The following BNC2 variants were observed in gnomAD, a reference collection of about 807,000 sequenced individuals.
The protein encoded by BNC2 is basonuclin zinc finger protein 2.
A neutral mutation model predicts 76.3 loss-of-function variants in BNC2; 20 were observed. That is an observed-to-expected ratio of 0.26 (90% CI 0.18 to 0.38). BNC2 has a LOEUF of 0.38. Ranked by LOEUF, BNC2 falls within the 10% of genes least tolerant of loss-of-function variation. BNC2 has a pLI of 1.00. For missense variants in BNC2, 1,382 were observed against 1,399.8 expected, an observed-to-expected ratio of 0.99 and a Z score of 0.20; for synonymous variants, 582 against 514.8, an observed-to-expected ratio of 1.13 and a Z score of -1.77.
At chr9:16,821,835 T>A (rs1387962357) in intron 1 of BNC2, among the ~76,000 whole-genome samples, 1 of 151,982 alleles carries the variant, frequency 6.6e-6, no homozygotes, top group African/African-American at 2.4e-5. Context: ...GGGTAATGCC[T>A]GTAATCCCAG....
intron 5 of BNC2, among the ~76,000 whole-genome samples, chr9:16,452,781 T>G (rs1473349339): frequency 6.6e-6 from 1 of 150,790 alleles, no homozygotes; most frequent in Non-Finnish European, 1.5e-5. Context: ...AAATAACTTT[T>G]TACATTGATT....
At chr9:16,570,184 A>C (rs974420606) in intron 4 of BNC2, among the ~76,000 whole-genome samples, 2 of 152,232 alleles carry the variant, frequency 1.3e-5, no homozygotes, top group African/African-American at 4.8e-5. Context: ...TTGATAAAAT[A>C]TATGCTTTAA....
Position 16,447,497 on chromosome 9 carries a change from T to C in BNC2, c.670-9973A>G, listed in dbSNP as rs970994792. The stretch of plus-strand genomic sequence containing the variant: ...CCAACTTGTGTAACCAACGTATTTT[T>C]AGAATATGTGTATTTATGACTGAAA... On this transcript the variant is annotated intron_variant, in intron 5 of 6. Transcript: ENST00000380672. 5.3e-5 allele frequency among the ~76,000 whole-genome samples: 8 copies of C among 152,156 alleles called. No homozygotes were observed. In the South Asian group the frequency reaches 1.4e-3, roughly 28 times the overall value.
intron 1 of BNC2, 42 bp from the exon 2 acceptor site, chr9:16,738,527 G>A (rs1587367243): frequency 6.2e-7 from 1 of 1,605,484 alleles, no homozygotes; most frequent in East Asian, 2.2e-5. Flanking sequence ...TGCCCAGACA[G>A]TATTACTTAA....
At chr9:16,844,775 A>G (rs1818926918) in intron 1 of BNC2, among the ~76,000 whole-genome samples, 1 of 152,122 alleles carries the variant, frequency 6.6e-6, no homozygotes, top group South Asian at 2.1e-4. Context: ...GATTACAGGC[A>G]TGCGCCACCG....
chr9:16,627,155 G>C (rs1391625927), intron 3 of BNC2, among the ~76,000 whole-genome samples: 1 of 152,216 alleles, frequency 6.6e-6, no homozygotes, highest in Non-Finnish European at 1.5e-5. Context: ...AACTGCTGGA[G>C]TGTATGTAGT....
rs759193154 is a variant in BNC2, at chr9:16,436,137, A to G, written c.2057T>C (p.Met686Thr). 6.2e-7 allele frequency: 1 copy of G among 1,614,200 alleles called. No homozygotes were observed. The highest frequency in any genetic ancestry group is 8.5e-7 in the Non-Finnish European group (1 of 1,180,048). The stretch of plus-strand genomic sequence containing the variant: ...ATGCTTAGAAAAGTCCTTCACAGAC[A>G]TGCCTGGGCTCATCTCCTCTTGGGA... The part of the protein sequence containing the change: ...CHSQEEMSPG[M>T]SVKDFSKHNR... Residue 686 changes from methionine (M) to threonine (T), a missense_variant, in exon 6 of 7, where the codon ATG becomes ACG. Coordinates refer to ENST00000380672, the MANE Select transcript of BNC2 (RefSeq NM_017637.6).
chr9:16,551,886 G>C (rs1409007264), intron 5 of BNC2, among the ~76,000 whole-genome samples: 2 of 152,152 alleles, frequency 1.3e-5, no homozygotes, highest in African/African-American at 4.8e-5. Context: ...TACCAGGTCA[G>C]AAGTGCCATT....
intron 5 of BNC2, among the ~76,000 whole-genome samples, chr9:16,543,088 C>T (rs547957717): frequency 5.1e-4 from 78 of 152,134 alleles, no homozygotes; most frequent in African/African-American, 1.8e-3. Context: ...TCAAATAAAA[C>T]GTATGGGCAA....
chr9:16,674,443 C>T (rs1378802873), intron 3 of BNC2, among the ~76,000 whole-genome samples: 1 of 152,140 alleles, frequency 6.6e-6, no homozygotes, highest in Non-Finnish European at 1.5e-5. Flanking sequence ...AAATAACAAT[C>T]TAAAGGAGTA....
chr9:16,784,696 C>G (rs1250799370), intron 1 of BNC2, among the ~76,000 whole-genome samples: 1 of 152,254 alleles, frequency 6.6e-6, no homozygotes, highest in African/African-American at 2.4e-5. Context: ...CTAGAGTATC[C>G]TAGAGAAAGT....
At chr9:16,533,318 T>A (rs1220534201) in intron 5 of BNC2, among the ~76,000 whole-genome samples, 2 of 152,174 alleles carry the variant, frequency 1.3e-5, no homozygotes, top group East Asian at 3.9e-4. Flanking sequence ...GGCACACAGG[T>A]TTTTAATGCC....
At chr9:16,487,702 G>T (rs1822194687) in intron 5 of BNC2, among the ~76,000 whole-genome samples, 2 of 152,172 alleles carry the variant, frequency 1.3e-5, no homozygotes, top group Non-Finnish European at 1.5e-5. Context: ...TAAGATTCCA[G>T]TAACATGTCC....
intron 3 of BNC2, among the ~76,000 whole-genome samples, chr9:16,601,374 G>T (rs980923714): frequency 6.6e-6 from 1 of 152,154 alleles, no homozygotes; most frequent in South Asian, 2.1e-4. Flanking sequence ...ACCAGAAGAG[G>T]CAGGGAACTG....
At chr9:16,753,956 C>A (rs138974074) in intron 1 of BNC2, among the ~76,000 whole-genome samples, 1 of 152,200 alleles carries the variant, frequency 6.6e-6, no homozygotes, top group Non-Finnish European at 1.5e-5. Context: ...TGCCAAAGTG[C>A]AGACACTTGG....
chr9:16,503,268 C>A (rs943508095), intron 5 of BNC2, among the ~76,000 whole-genome samples: 2 of 152,106 alleles, frequency 1.3e-5, no homozygotes, highest in Non-Finnish European at 2.9e-5. Flanking sequence ...TAGCCAAGAA[C>A]GAGGATATTT....
At chr9:16,692,471 G>A (rs1040670915) in intron 3 of BNC2, among the ~76,000 whole-genome samples, 2 of 152,238 alleles carry the variant, frequency 1.3e-5, no homozygotes, top group African/African-American at 4.8e-5. Context: ...TATATTTATT[G>A]TGCAGGGTTG....
At chr9:16,525,419 G>A (rs913289333) in intron 5 of BNC2, among the ~76,000 whole-genome samples, 19 of 151,854 alleles carry the variant, frequency 1.3e-4, no homozygotes, top group African/African-American at 4.4e-4. Context: ...GATTTACAAC[G>A]CAATAGAAAT....
chr9:16,430,948 T>C lies in BNC2; in HGVS notation c.2639+4607A>G, dbSNP rs150040184. 1.8e-3 allele frequency among the ~76,000 whole-genome samples: 274 copies of C among 152,334 alleles called. 1 individual carries two copies. The highest frequency in any genetic ancestry group is 6.4e-3 in the African/African-American group (265 of 41,580). On this transcript the variant is annotated intron_variant, in intron 6 of 6. Transcript: ENST00000380672. ...GCAAATATAATTTGGTCTTTAAATT[T>C]ATTCATATGGCTAAATCATCTTTCT...
Sources: gnomAD v4.1 joint callset for allele counts (sites outside exome capture counted in the v4.1 genomes callset) on GRCh38, gnomAD v4.1.1 for gene constraint, MANE v1.5 for transcripts, NCBI Gene and HGNC (gene_info 2026-07-23, HGNC 2026-07-21) for gene names.